The following ADORA2B variants were observed in gnomAD, a reference collection of about 807,000 sequenced individuals.
ADORA2B encodes adenosine receptor A2b.
A neutral mutation model predicts 20.8 loss-of-function variants in ADORA2B; 18 were observed. The ratio of observed to expected loss-of-function variants is 0.87; its 90% CI spans 0.60 to 1.29. The LOEUF is 1.29. ADORA2B is among the 50% of genes most tolerant of loss of function. The probability of loss-of-function intolerance (pLI) is 0.00; values close to 1 mark genes in which losing one functional copy is unlikely to be tolerated. For synonymous variants in ADORA2B, 179 were observed against 178.3 expected (o/e 1.00, Z -0.03); for missense variants, 441 against 422.7 (o/e 1.04, Z -0.38).
At chr17:15,894,656 A>G in the ADORA2B span, among the ~76,000 whole-genome samples, 8 of 152,226 alleles carry the variant, frequency 5.3e-5, no homozygotes, top group Non-Finnish European at 1.0e-4. Context: ...CTTAGACAGA[A>G]TCAGCTGGAC....
At chr17:15,923,206 A>ATTTTTTTT in the ADORA2B span, among the ~76,000 whole-genome samples, 161 of 113,436 alleles carry the variant, frequency 1.4e-3, 2 homozygotes, top group Non-Finnish European at 1.7e-3. Flanking sequence ...TCTTTTTTTA[A>ATTTTTTTT]TTTTTTTTTT....
the ADORA2B span, among the ~76,000 whole-genome samples, chr17:15,928,264 G>A: frequency 6.6e-6 from 1 of 152,180 alleles, no homozygotes; most frequent in Non-Finnish European, 1.5e-5. Context: ...GATCTCGCTT[G>A]GGAGGAGTTT....
the ADORA2B span, among the ~76,000 whole-genome samples, chr17:15,872,103 T>G: frequency 6.6e-5 from 10 of 152,236 alleles, no homozygotes; most frequent in South Asian, 1.9e-3. Context: ...CAGATGAGTG[T>G]TTGCCAGGGG....
the ADORA2B span, among the ~76,000 whole-genome samples, chr17:15,862,429 T>TAGGCTGGTCTCAAACTCCTGATCTGCCC: frequency 4.6e-5 from 7 of 151,786 alleles, no homozygotes; most frequent in Non-Finnish European, 1.0e-4. Flanking sequence ...CCATTTTGGC[T>TAGGCTGGTCTCAAACTCCTGATCTGCCC]AGGCTGGTCT....
the ADORA2B span, among the ~76,000 whole-genome samples, chr17:15,940,017 C>T: frequency 6.6e-6 from 1 of 152,132 alleles, no homozygotes; most frequent in Non-Finnish European, 1.5e-5. Context: ...TTAACTTTCT[C>T]ATTTCAGATT....
the ADORA2B span, among the ~76,000 whole-genome samples, chr17:15,867,063 A>G: frequency 6.6e-6 from 1 of 152,346 alleles, no homozygotes; most frequent in African/African-American, 2.4e-5. Flanking sequence ...CCGGGATGGC[A>G]GACGGAGTCG....
At chr17:15,871,057 GAC>G in the ADORA2B span, among the ~76,000 whole-genome samples, 2 of 152,202 alleles carry the variant, frequency 1.3e-5, no homozygotes, top group African/African-American at 2.4e-5. Flanking sequence ...TGTTGTGGGA[GAC>G]ACAGTCCTCT....
chr17:15,899,154 T>A, the ADORA2B span, among the ~76,000 whole-genome samples: 1 of 151,642 alleles, frequency 6.6e-6, no homozygotes, highest in South Asian at 2.1e-4. Context: ...CACTTGAACC[T>A]GGGAGGCGGA....
At chr17:15,954,514 C>T (rs565314198) in intron 1 of ADORA2B, among the ~76,000 whole-genome samples, 61 of 152,192 alleles carry the variant, frequency 4.0e-4, no homozygotes, top group Non-Finnish European at 7.6e-4. Flanking sequence ...TGGAGTGGTT[C>T]CAGCATTTCC....
chr17:15,882,616 A>G, the ADORA2B span, among the ~76,000 whole-genome samples: 6 of 152,088 alleles, frequency 3.9e-5, no homozygotes, highest in Non-Finnish European at 7.4e-5. Flanking sequence ...AGTTAGCCTC[A>G]TTTTCTGGCT....
rs531627493 is a variant in ADORA2B at position 15,974,855 on chromosome 17, G to A, written c.512G>A (p.Cys171Tyr). The change falls in exon 2 of 2, where the codon TGT becomes TAT. Residue 171 changes from cysteine to tyrosine, a missense_variant. Coordinates refer to ENST00000304222, the MANE Select transcript of ADORA2B (RefSeq NM_000676.4). The stretch of plus-strand genomic sequence containing the variant: ...AATGAAAGCTGCTGCCTTGTGAAGT[G>A]TCTCTTTGAGAATGTGGTCCCCATG... ...TTNESCCLVK[C>Y]LFENVVPMSY... The A allele has an allele frequency of 3.1e-6, 5 of 1,614,020 alleles. No individual in the cohort carries two copies. Among genetic ancestry groups the A allele is most frequent in the Admixed American group, 3.3e-5 (2 of 60,004 alleles).
the ADORA2B span, chr17:15,858,612 A>C: frequency 1.3e-5 from 2 of 152,298 alleles, no homozygotes. Flanking sequence ...AAACTCCCCC[A>C]GTTATTCCAC....
At chr17:15,952,015 C>T (rs1338973108) in intron 1 of ADORA2B, among the ~76,000 whole-genome samples, 5 of 152,198 alleles carry the variant, frequency 3.3e-5, no homozygotes, top group East Asian at 1.9e-4. Context: ...AGGGAAACAC[C>T]GCCTGGCCTC....
At chr17:15,887,951 C>CAAAAAAAA in the ADORA2B span, among the ~76,000 whole-genome samples, 4 of 22,230 alleles carry the variant, frequency 1.8e-4, no homozygotes, top group Admixed American at 1.1e-3. Context: ...AAGACTCCAT[C>CAAAAAAAA]AAAAAAAAAA....
At chr17:15,923,200 T>TC in the ADORA2B span, among the ~76,000 whole-genome samples, 2 of 136,130 alleles carry the variant, frequency 1.5e-5, no homozygotes, top group African/African-American at 3.1e-5. Context: ...TTTCTTTCTT[T>TC]TTTTAATTTT....
chr17:15,888,815 C>CATATATATATAT, the ADORA2B span, among the ~76,000 whole-genome samples: 20 of 15,736 alleles, frequency 1.3e-3, 1 homozygote, highest in East Asian at 3.0e-3. Flanking sequence ...TATGTGATGC[C>CATATATATATAT]ATATATATAT....
intron 1 of ADORA2B, among the ~76,000 whole-genome samples, chr17:15,952,586 G>GTGGATGAA (rs1969919603): frequency 1.3e-5 from 2 of 152,188 alleles, no homozygotes; most frequent in Non-Finnish European, 1.5e-5. Flanking sequence ...CCTTCTAGTG[G>GTGGATGAA]TGGATGAATA....
At chr17:15,917,586 G>A in the ADORA2B span, among the ~76,000 whole-genome samples, 1 of 152,228 alleles carries the variant, frequency 6.6e-6, no homozygotes, top group Non-Finnish European at 1.5e-5. Context: ...GGCTCCCCTA[G>A]GCGGGGCTCC....
At chr17:15,877,144 T>C in the ADORA2B span, among the ~76,000 whole-genome samples, 1 of 152,238 alleles carries the variant, frequency 6.6e-6, no homozygotes, top group Non-Finnish European at 1.5e-5. Context: ...ATTTAACTTC[T>C]AGGATTTTTT....
Sources: allele counts gnomAD v4.1 joint callset (sites outside exome capture counted in the v4.1 genomes callset), GRCh38; gene constraint gnomAD v4.1.1; transcripts MANE v1.5; gene names NCBI Gene and HGNC (gene_info 2026-07-23, HGNC 2026-07-21).